Variants in KAZN observed in about 807,000 individuals in gnomAD.
KAZN encodes kazrin, periplakin interacting protein, also known as kazrin.
KAZN carries 40 observed loss-of-function variants against 87.4 expected under a neutral mutation model. That is an observed-to-expected ratio of 0.46 (90% CI 0.36 to 0.60). The LOEUF (loss-of-function observed/expected upper bound fraction) is 0.60, where lower values mean the gene tolerates loss of function less well. Ranked by LOEUF, KAZN falls within the 20% of genes least tolerant of loss-of-function variation. The pLI is 0.00. For missense variants in KAZN, 898 were observed against 1,073.9 expected (o/e 0.84, Z 2.29); for synonymous variants, 466 against 458.3 (o/e 1.02, Z -0.22).
At chr1:14,445,191 A>C (rs919185762) in intron 2 of KAZN, among the ~76,000 whole-genome samples, 2 of 151,920 alleles carry the variant, frequency 1.3e-5, no homozygotes, top group African/African-American at 2.4e-5. Flanking sequence ...ATGCCTGGCT[A>C]ATTTTTGTGT....
chr1:14,202,995 C>T (rs1475799083), intron 2 of KAZN, among the ~76,000 whole-genome samples: 4 of 151,878 alleles, frequency 2.6e-5, no homozygotes, highest in Admixed American at 1.3e-4. Flanking sequence ...CCAGCCTGGG[C>T]GACAAGAGCA....
chr1:14,526,483 T>C (rs1195763199), intron 2 of KAZN, among the ~76,000 whole-genome samples: 2 of 152,206 alleles, frequency 1.3e-5, no homozygotes, highest in Non-Finnish European at 2.9e-5. Flanking sequence ...ATCTGCATCA[T>C]CAGTAATATT....
chr1:15,034,521 T>A (rs1392853617), intron 2 of KAZN, among the ~76,000 whole-genome samples: 1 of 152,196 alleles, frequency 6.6e-6, no homozygotes, highest in Non-Finnish European at 1.5e-5. Context: ...CTGGTCAGAT[T>A]GACACAGCTG....
At chr1:15,007,383 C>G (rs1669132952) in intron 2 of KAZN, among the ~76,000 whole-genome samples, 2 of 152,332 alleles carry the variant, frequency 1.3e-5, no homozygotes, top group South Asian at 4.1e-4. Flanking sequence ...TTTTCATGAG[C>G]TAGGAATGTA....
intron 1 of KAZN, among the ~76,000 whole-genome samples, chr1:14,781,228 A>T (rs964779031): frequency 6.6e-6 from 1 of 152,256 alleles, no homozygotes; most frequent in Non-Finnish European, 1.5e-5. Context: ...AGGCTGAGGC[A>T]GGAGAATGGC....
At chr1:14,696,281 A>G (rs1424959332) in intron 1 of KAZN, among the ~76,000 whole-genome samples, 1 of 152,206 alleles carries the variant, frequency 6.6e-6, no homozygotes, top group Non-Finnish European at 1.5e-5. Flanking sequence ...ACAGGGAATT[A>G]TTACACGGTG....
At chr1:14,991,764 A>T (rs1667382074) in intron 2 of KAZN, among the ~76,000 whole-genome samples, 1 of 152,176 alleles carries the variant, frequency 6.6e-6, no homozygotes, top group African/African-American at 2.4e-5. Context: ...CCTGCAGCAG[A>T]TTCCGCCCTG....
At chr1:14,358,213 G>A (rs566823419) in intron 2 of KAZN, among the ~76,000 whole-genome samples, 112 of 152,222 alleles carry the variant, frequency 7.4e-4, no homozygotes, top group African/African-American at 2.5e-3. Context: ...CCATAGAGGT[G>A]TTTATAGCAT....
At chr1:14,037,274 C>CTA in intron 1 of KAZN, among the ~76,000 whole-genome samples, 1 of 152,320 alleles carries the variant, frequency 6.6e-6, no homozygotes, top group East Asian at 1.9e-4. Flanking sequence ...ATCCAGCTGC[C>CTA]TATTGCTAGA....
At chr1:15,098,360 C>T (rs112143455) in intron 10 of KAZN, among the ~76,000 whole-genome samples, 10 of 152,334 alleles carry the variant, frequency 6.6e-5, no homozygotes, top group African/African-American at 2.4e-4. Context: ...AGCTGCGGCC[C>T]CATGGGGACA....
intron 1 of KAZN, among the ~76,000 whole-genome samples, chr1:14,858,203 C>CTTTTTCTTTTTTTTTTTTTTTT (rs1650372865): frequency 1.1e-5 from 1 of 95,104 alleles, no homozygotes; most frequent in African/African-American, 5.3e-5. Flanking sequence ...TTTCTTTTTT[C>CTTTTTCTTTTTTTTTTTTTTTT]TTTTTCTTTT....
intron 1 of KAZN, among the ~76,000 whole-genome samples, chr1:14,130,706 A>AGGAGGAG (rs1332671478): frequency 6.6e-6 from 1 of 152,122 alleles, no homozygotes; most frequent in Non-Finnish European, 1.5e-5. Flanking sequence ...CTCCTCAGTG[A>AGGAGGAG]GAATGTCTCT....
intron 2 of KAZN, among the ~76,000 whole-genome samples, chr1:14,565,148 T>C (rs1356189536): frequency 6.6e-6 from 1 of 152,196 alleles, no homozygotes; most frequent in Non-Finnish European, 1.5e-5. Context: ...TCTTCCCTAA[T>C]TGTAGCATCC....
At chr1:14,063,352 G>A (rs1356490026) in intron 1 of KAZN, among the ~76,000 whole-genome samples, 1 of 152,102 alleles carries the variant, frequency 6.6e-6, no homozygotes, top group Admixed American at 6.5e-5. Context: ...AAGAAATACT[G>A]TGTAACTACC....
chr1:14,035,629 C>G (rs918028303), intron 1 of KAZN, among the ~76,000 whole-genome samples: 4 of 89,308 alleles, frequency 4.5e-5, no homozygotes, highest in Admixed American at 1.5e-4. Flanking sequence ...GTCACCAAGC[C>G]TGGATAATTT....
At chr1:14,326,864 T>TA (rs139013360) in intron 2 of KAZN, among the ~76,000 whole-genome samples, 4,689 of 152,244 alleles carry the variant, frequency 0.031, 102 homozygotes, top group East Asian at 0.099. Flanking sequence ...TGATCCCACA[T>TA]ACAATAGTAA....
chr1:14,840,195 C>T (rs377752415), intron 1 of KAZN, among the ~76,000 whole-genome samples: 3 of 152,162 alleles, frequency 2.0e-5, no homozygotes, highest in Admixed American at 6.5e-5. Context: ...GATTCAAGTA[C>T]GCTCCTCTGC....
intron 6 of KAZN, chr1:15,063,289 G>T: frequency 2.1e-6 from 1 of 478,666 alleles, no homozygotes; most frequent in Non-Finnish European, 3.8e-6. Context: ...GAACTTAGAC[G>T]CCCTGGAGTG....
rs146693085 is a variant in KAZN, at chr1:14,706,415, T to C, written c.226+107192T>C. ...GTTGGGGACCGCTGTTCTGCACCAC[T>C]GTAGGATGACTATAGTTTACAATAA... On this transcript the variant is annotated intron_variant, in intron 1 of 14. Coordinates refer to ENST00000376030, the MANE Select transcript of KAZN (RefSeq NM_201628.3). Among the ~76,000 whole-genome samples, 17 of 152,084 alleles carry C rather than the reference T, an allele frequency of 1.1e-4. No homozygotes were observed. In the East Asian group the frequency reaches 3.1e-3, roughly 28 times the overall value.
Sources: allele counts gnomAD v4.1 joint callset (sites outside exome capture counted in the v4.1 genomes callset), GRCh38; gene constraint gnomAD v4.1.1; transcripts MANE v1.5; gene names NCBI Gene and HGNC (gene_info 2026-07-23, HGNC 2026-07-21).